SETD7: variants seen among roughly 807,000 people sequenced by gnomAD.
SETD7 encodes the protein SET domain containing 7, histone lysine methyltransferase.
SETD7 carries 16 observed loss-of-function variants against 41.8 expected under a neutral mutation model. That is an observed-to-expected ratio of 0.38 (90% CI 0.26 to 0.58). The LOEUF is 0.58. Among genes scored for constraint, SETD7 ranks in the 20% least tolerant of loss-of-function variants. SETD7 has a pLI of 0.64. For missense variants in SETD7, 346 were observed against 459.7 expected, an observed-to-expected ratio of 0.75 and a Z score of 2.26; for synonymous variants, 163 against 169.7, an observed-to-expected ratio of 0.96 and a Z score of 0.31.
chr4:139,547,145 C>G, intron 1 of SETD7, 96 bp from the exon 2 acceptor site: 2 of 1,483,658 alleles, frequency 1.3e-6, no homozygotes, highest in Non-Finnish European at 1.8e-6. Context: ...AGTCCCCCAC[C>G]CAACTCCCCT....
chr4:139,542,400 A>G (rs928843623), intron 2 of SETD7, among the ~76,000 whole-genome samples: 3 of 152,244 alleles, frequency 2.0e-5, no homozygotes, highest in African/African-American at 7.2e-5. Context: ...GGGATTTTGA[A>G]TGTTCTCACC....
At chr4:139,522,361 A>G (rs1727200501) in intron 5 of SETD7, among the ~76,000 whole-genome samples, 1 of 152,234 alleles carries the variant, frequency 6.6e-6, no homozygotes, top group African/African-American at 2.4e-5. Context: ...AATCCCAGAG[A>G]GGGTACCAGA....
At chr4:139,556,041 C>T (rs1362045846) in intron 1 of SETD7, 57 bp downstream of exon 1, 2 of 1,517,672 alleles carry the variant, frequency 1.3e-6, no homozygotes, top group Non-Finnish European at 1.8e-6. Context: ...CCCGCCACTC[C>T]TTCCGCGCTC....
chr4:139,511,983 C>T (rs910742589), intron 7 of SETD7, 140 bp from the exon 8 acceptor site: 18 of 1,412,738 alleles, frequency 1.3e-5, no homozygotes, highest in Non-Finnish European at 1.5e-5. Flanking sequence ...TGTGGTCACC[C>T]AGCATCAGTT....
rs1727978530 is a variant in SETD7, at chr4:139,547,046, T to G, written c.44A>C (p.His15Pro). 1.9e-6 allele frequency: 3 copies of G among 1,613,946 alleles called. No homozygotes were observed. Among genetic ancestry groups the G allele is most frequent in the Non-Finnish European group, 8.5e-7 (1 of 1,179,952 alleles). ...GTGCGGTAATCCGTCATCGTCCAGGTGCCCTGGAGAAAGGGAACCACAAGG... is the reference window on the plus strand; with the variant it reads ...GTGCGGTAATCCGTCATCGTCCAGGGGCCCTGGAGAAAGGGAACCACAAGG... ...DEMVEEAVEG[H>P]LDDDGLPHGF... Residue 15 changes from histidine to proline, a missense_variant, in exon 2 of 8, where the codon CAC (histidine) becomes CCC (proline). Transcript: ENST00000274031.
At chr4:139,504,370 ATCTATCTG>A (rs940868907), downstream of SETD7, among the ~76,000 whole-genome samples, 15 of 152,140 alleles carry the variant, frequency 9.9e-5, no homozygotes, top group African/African-American at 3.6e-4. Flanking sequence ...AATTACCATG[ATCTATCTG>A]TCTATCTGTC....
At chr4:139,498,972 T>G (rs1485053699) in intron 7 of SETD7, among the ~76,000 whole-genome samples, 2 of 152,104 alleles carry the variant, frequency 1.3e-5, no homozygotes, top group Non-Finnish European at 2.9e-5. Context: ...TTAGGCATGA[T>G]AATTGTTTGA....
At position 139,506,905 on chromosome 4, in the gene SETD7, T is replaced by C. The variant is rs920480560; in HGVS notation, c.*4758A>G. 7.2e-5 allele frequency: 11 copies of C among 152,646 alleles called. No individual in the cohort carries two copies. Among genetic ancestry groups the C allele is most frequent in the African/African-American group, 2.7e-4 (11 of 41,438 alleles). 9.5% of individuals were successfully genotyped at this position (152,646 alleles called of 1,614,324 possible). ...TATCGGAGGACGTCTCTCTCTCTGG[T>C]TGGAAGTTTGGTGCTTGGGTGCATA... On this transcript the variant is annotated 3_prime_UTR_variant, in exon 8 of 8. Transcript: ENST00000274031.
intron 2 of SETD7, among the ~76,000 whole-genome samples, chr4:139,541,075 A>G (rs1314377674): frequency 6.6e-6 from 1 of 152,180 alleles, no homozygotes; most frequent in Non-Finnish European, 1.5e-5. Context: ...GGCACAGGAG[A>G]AAGAAGCCGT....
intron 2 of SETD7, among the ~76,000 whole-genome samples, chr4:139,543,168 G>T (rs1579221965): frequency 6.6e-6 from 1 of 152,176 alleles, no homozygotes; most frequent in Non-Finnish European, 1.5e-5. Context: ...CAGACCAAAG[G>T]TTGATGACTG....
intron 7 of SETD7, among the ~76,000 whole-genome samples, chr4:139,517,475 CAAAAAAAAAA>C (rs56132171): frequency 7.5e-6 from 1 of 134,046 alleles, no homozygotes; most frequent in South Asian, 2.3e-4. Flanking sequence ...AAATCCATCT[CAAAAAAAAAA>C]AAAAAAAAAA....
At chr4:139,525,763 C>G (rs2592978) in intron 4 of SETD7, among the ~76,000 whole-genome samples, 10,600 of 152,268 alleles carry the variant, frequency 0.07, 533 homozygotes, top group Non-Finnish European at 0.096. Context: ...CCCTGTACCC[C>G]CTAACCCACT....
chr4:139,512,213 C>T (rs767753879), intron 7 of SETD7, among the ~76,000 whole-genome samples: 1 of 152,326 alleles, frequency 6.6e-6, no homozygotes, highest in Middle Eastern at 3.4e-3. Flanking sequence ...AGATCCAGTG[C>T]AGCCCGCCAG....
At chr4:139,539,324 A>G (rs1727723548) in intron 2 of SETD7, among the ~76,000 whole-genome samples, 6 of 152,218 alleles carry the variant, frequency 3.9e-5, no homozygotes, top group Admixed American at 3.9e-4. Flanking sequence ...TATTTTAGGA[A>G]TTATTTTATA....
chr4:139,552,230 A>G (rs1222269569), intron 1 of SETD7, among the ~76,000 whole-genome samples: 1 of 152,252 alleles, frequency 6.6e-6, no homozygotes, highest in Non-Finnish European at 1.5e-5. Context: ...AGAGACAAGT[A>G]GAATCTGATA....
intron 7 of SETD7, among the ~76,000 whole-genome samples, chr4:139,500,769 A>G (rs1443603450): frequency 2.0e-5 from 3 of 152,148 alleles, no homozygotes; most frequent in South Asian, 4.1e-4. Context: ...TCAGCCTCCC[A>G]AAGTGCTGGG....
At position 139,545,082 on chromosome 4, in the gene SETD7, C is replaced by T. The variant is rs374325102; in HGVS notation, c.170+1838G>A. Among the ~76,000 whole-genome samples, 38 of 152,082 alleles carry T rather than the reference C, an allele frequency of 2.5e-4. No homozygotes were observed. In the South Asian group the frequency reaches 7.1e-3, roughly 28 times the overall value. ...TTGCAGAATAAGGTTAAAAGTGACA[C>T]TTTTCAGAAAAAAGAGCTATAAAAA... On this transcript the variant is annotated intron_variant, in intron 2 of 7. Transcript: ENST00000274031.
chr4:139,543,616 A>G (rs904748518), intron 2 of SETD7, among the ~76,000 whole-genome samples: 14 of 152,118 alleles, frequency 9.2e-5, no homozygotes, highest in Non-Finnish European at 1.6e-4. Flanking sequence ...CCTTGATTCT[A>G]TTTAATCAAC....
At chr4:139,500,502 TTTTG>T (rs1317287302) in intron 7 of SETD7, among the ~76,000 whole-genome samples, 9 of 152,316 alleles carry the variant, frequency 5.9e-5, no homozygotes, top group South Asian at 2.1e-4. Flanking sequence ...AGCTGGTGGT[TTTTG>T]TTTGTTTGTT....
Sources: allele counts gnomAD v4.1 joint callset (sites outside exome capture counted in the v4.1 genomes callset), GRCh38; gene constraint gnomAD v4.1.1; transcripts MANE v1.5; gene names NCBI Gene and HGNC (gene_info 2026-07-23, HGNC 2026-07-21).